CNIH3: variants seen among roughly 807,000 people sequenced by gnomAD.
CNIH3 encodes protein cornichon homolog 3.
Under a neutral mutation model 24.1 loss-of-function variants are expected in CNIH3, and 14 were observed. That is an observed-to-expected ratio of 0.58 (90% confidence interval 0.38 to 0.91). The LOEUF is 0.91. Ranked by LOEUF, CNIH3 falls within the 40% of genes least tolerant of loss-of-function variation. The pLI is 0.00. For missense variants in CNIH3, 178 were observed against 196.8 expected (o/e 0.90, Z 0.57); for synonymous variants, 68 against 73.8 (o/e 0.92, Z 0.40).
At chr1:224,552,431 C>T (rs1214235120) in intron 3 of CNIH3, among the ~76,000 whole-genome samples, 1 of 150,540 alleles carries the variant, frequency 6.6e-6, no homozygotes, top group Non-Finnish European at 1.5e-5. Flanking sequence ...GGGCGTCCAT[C>T]CACTGTGGTA....
chr1:224,708,328 G>C (rs1687934738), intron 3 of CNIH3, among the ~76,000 whole-genome samples: 1 of 152,018 alleles, frequency 6.6e-6, no homozygotes, highest in South Asian at 2.1e-4. Context: ...TCCCTCTTTT[G>C]AGTACCTTCT....
intron 4 of CNIH3, among the ~76,000 whole-genome samples, chr1:224,570,251 G>C (rs2124998933): frequency 6.6e-6 from 1 of 152,284 alleles, no homozygotes; most frequent in African/African-American, 2.4e-5. Context: ...GCAGTTTGGA[G>C]TACAATCGAT....
At chr1:224,724,170 C>T (rs1688893890) in intron 3 of CNIH3, among the ~76,000 whole-genome samples, 2 of 152,236 alleles carry the variant, frequency 1.3e-5, no homozygotes, top group Non-Finnish European at 2.9e-5. Flanking sequence ...AACTTTGATG[C>T]AAATTCCAGG....
chr1:224,688,929 A>G (rs1448871303), intron 3 of CNIH3, among the ~76,000 whole-genome samples: 1 of 151,588 alleles, frequency 6.6e-6, no homozygotes, highest in Non-Finnish European at 1.5e-5. Flanking sequence ...CTGTCTCAAA[A>G]AAAAAAAAAA....
At chr1:224,661,043 G>A (rs546270652) in intron 1 of CNIH3, 2 of 154,164 alleles carry the variant, frequency 1.3e-5, no homozygotes, top group South Asian at 4.1e-4. Flanking sequence ...CTGAGAAGCT[G>A]TTTATAAATA....
At chr1:224,518,187 A>G (rs944135566) in intron 1 of CNIH3, among the ~76,000 whole-genome samples, 3 of 152,226 alleles carry the variant, frequency 2.0e-5, no homozygotes, top group Non-Finnish European at 4.4e-5. Context: ...GCAGCGATTC[A>G]TGAACCTCGT....
intron 1 of CNIH3, among the ~76,000 whole-genome samples, chr1:224,505,015 TCCC>T (rs1677839693): frequency 2.2e-4 from 6 of 27,818 alleles, no homozygotes; most frequent in African/African-American, 5.9e-4. Context: ...CCTCCCTCCC[TCCC>T]TCCCTCCCTC....
intron 3 of CNIH3, among the ~76,000 whole-genome samples, chr1:224,554,468 A>T (rs182390420): frequency 2.2e-4 from 33 of 152,212 alleles, no homozygotes; most frequent in South Asian, 8.3e-4. Flanking sequence ...AAGATTTTTT[A>T]AAAAAATGGG....
intron 3 of CNIH3, among the ~76,000 whole-genome samples, chr1:224,697,214 T>C (rs1401177607): frequency 6.6e-6 from 1 of 152,168 alleles, no homozygotes; most frequent in East Asian, 1.9e-4. Context: ...TGGGGGAGCA[T>C]TGTAGTGGAC....
At chr1:224,557,582 C>G (rs1326139143) in intron 3 of CNIH3, among the ~76,000 whole-genome samples, 1 of 152,180 alleles carries the variant, frequency 6.6e-6, no homozygotes, top group African/African-American at 2.4e-5. Flanking sequence ...TCTCCTGCCT[C>G]AGCCTCCGGG....
At chr1:224,559,745 G>T (rs912294623) in intron 3 of CNIH3, among the ~76,000 whole-genome samples, 10 of 152,114 alleles carry the variant, frequency 6.6e-5, no homozygotes, top group Non-Finnish European at 1.3e-4. Context: ...CATAAAATAT[G>T]TTAGTAAAGT....
chr1:224,693,080 A>T (rs1024598532), intron 3 of CNIH3, among the ~76,000 whole-genome samples: 1 of 152,246 alleles, frequency 6.6e-6, no homozygotes, highest in Admixed American at 6.5e-5. Context: ...CAAAAGTTGT[A>T]ACTAGTTCAG....
At chr1:224,537,067 C>A (rs1679315190), downstream of CNIH3, 1 of 152,166 alleles carries the variant, frequency 6.6e-6, no homozygotes. Flanking sequence ...ATCAGGCAAA[C>A]CTGCCTCCCA....
At chr1:224,493,483 A>G (rs891662352) in intron 1 of CNIH3, among the ~76,000 whole-genome samples, 8 of 152,162 alleles carry the variant, frequency 5.3e-5, no homozygotes, top group African/African-American at 1.9e-4. Context: ...CGAGGGCTCA[A>G]GGAAGGGGTG....
intron 2 of CNIH3, chr1:224,546,774 C>A: frequency 2.5e-6 from 1 of 402,766 alleles, no homozygotes; most frequent in Non-Finnish European, 3.4e-6. Flanking sequence ...TCAGCAGAGC[C>A]TCAGCTTTGA....
chr1:224,533,862 A>AACATAGGCTGGGAGC (rs1227700692), intron 2 of CNIH3, among the ~76,000 whole-genome samples: 3 of 152,228 alleles, frequency 2.0e-5, no homozygotes, highest in East Asian at 3.8e-4. Context: ...TTAAAACTTG[A>AACATAGGCTGGGAGC]ACATAGGCTG....
chr1:224,688,250 A>G (rs1344839201), intron 3 of CNIH3, among the ~76,000 whole-genome samples: 1 of 152,166 alleles, frequency 6.6e-6, no homozygotes, highest in Non-Finnish European at 1.5e-5. Flanking sequence ...TTCTTTCTGA[A>G]TGTAATTTCA....
At chr1:224,683,702 T>C (rs916367610) in intron 2 of CNIH3, among the ~76,000 whole-genome samples, 3 of 152,266 alleles carry the variant, frequency 2.0e-5, no homozygotes, top group South Asian at 2.1e-4. Context: ...TGTTTTCCCT[T>C]CCTTTTACCA....
chr1:224,627,641 G>T (rs1049278192), intron 1 of CNIH3, among the ~76,000 whole-genome samples: 1 of 152,202 alleles, frequency 6.6e-6, no homozygotes, highest in Non-Finnish European at 1.5e-5. Flanking sequence ...AGTGGGTCCT[G>T]TGTACACTAG....
Sources: gnomAD v4.1 joint callset for allele counts (sites outside exome capture counted in the v4.1 genomes callset) on GRCh38, gnomAD v4.1.1 for gene constraint, MANE v1.5 for transcripts, NCBI Gene and HGNC (gene_info 2026-07-23, HGNC 2026-07-21) for gene names.